Variants in GLT8D2 observed in about 807,000 individuals in gnomAD.
The protein encoded by GLT8D2 is glycosyltransferase 8 domain containing 2.
GLT8D2 carries 45 observed loss-of-function variants against 44.5 expected under a neutral mutation model. The observed-to-expected ratio is 1.01, with a 90% CI of 0.80 to 1.30. GLT8D2 has a LOEUF of 1.30. Among genes scored for constraint, GLT8D2 ranks in the 50% most tolerant of loss-of-function variants. GLT8D2 has a pLI of 0.00. For synonymous variants in GLT8D2, 156 were observed against 157.2 expected (o/e 0.99, Z 0.06); for missense variants, 400 against 430.4 (o/e 0.93, Z 0.62).
intron 1 of GLT8D2, among the ~76,000 whole-genome samples, chr12:104,022,080 A>AGAAAGAAAGAAAG (rs1555279636): frequency 7.5e-6 from 1 of 134,130 alleles, no homozygotes; most frequent in African/African-American, 2.9e-5. Context: ...GAAAGAAAAA[A>AGAAAGAAAGAAAG]AAAGAAAGAA....
chr12:104,014,265 G>A, intron 4 of GLT8D2: 1 of 700,400 alleles, frequency 1.4e-6, no homozygotes, highest in Non-Finnish European at 2.6e-6. Context: ...TGAGGCCGGA[G>A]GATTGCTTGA....
Position 104,003,115 on chromosome 12 carries a change from G to A in GLT8D2, c.284+20C>T, listed in dbSNP as rs1874465895. 6.2e-7 allele frequency: 1 copy of A among 1,603,082 alleles called. No homozygotes were observed. The highest frequency in any genetic ancestry group is 1.3e-5 in the African/African-American group (1 of 74,828). Reference sequence around the variant, plus strand: ...GGGGAAGGAAACAGAAAGTGCCAAAGTCTGTAAGACATAACTTACCGTATT... The same window carrying A: ...GGGGAAGGAAACAGAAAGTGCCAAAATCTGTAAGACATAACTTACCGTATT... On this transcript the variant is annotated intron_variant, in intron 5 of 10. Transcript: ENST00000360814.
intron 1 of GLT8D2, among the ~76,000 whole-genome samples, chr12:104,057,187 C>CA (rs1360951638): frequency 6.6e-6 from 1 of 152,082 alleles, no homozygotes; most frequent in East Asian, 1.9e-4. Flanking sequence ...AAAAAATTCA[C>CA]ATTAAAGGAA....
At chr12:104,016,874 GAAA>G (rs1566199940) in intron 3 of GLT8D2, among the ~76,000 whole-genome samples, 1 of 147,194 alleles carries the variant, frequency 6.8e-6, no homozygotes, top group African/African-American at 2.6e-5. Flanking sequence ...AAGAAAGAAA[GAAA>G]GAAAGAAAAA....
At chr12:104,032,501 G>T (rs1237556651) in intron 1 of GLT8D2, among the ~76,000 whole-genome samples, 1 of 107,152 alleles carries the variant, frequency 9.3e-6, no homozygotes, top group African/African-American at 4.4e-5. Context: ...ATAGGCAAAG[G>T]ACCAGAATAG....
chr12:104,016,774 A>AGAAG lies in GLT8D2; in HGVS notation c.20-1673_20-1670dup, dbSNP rs1160367285. 7.1e-3 allele frequency among the ~76,000 whole-genome samples: 413 copies of AGAAG among 58,286 alleles called. 12 individuals are homozygous for AGAAG. The highest frequency in any genetic ancestry group is 0.013 in the South Asian group (23 of 1,744). 38.2% of individuals were successfully genotyped at this position (58,286 alleles called of 152,430 possible). On this transcript the variant is annotated intron_variant, in intron 3 of 10. Transcript: ENST00000360814. ...AAGAAAGAAAGAAAGAAAGAAAGAA[A>AGAAG]GAAGGAAGGAAGGAAGGAAGGAAGG...
chr12:104,029,055 G>C (rs1878919900), intron 1 of GLT8D2, among the ~76,000 whole-genome samples: 1 of 152,206 alleles, frequency 6.6e-6, no homozygotes, highest in South Asian at 2.1e-4. Flanking sequence ...ACTTTGGGAG[G>C]CTGAGGCAGG....
In GLT8D2 at chr12:103,991,783, C is replaced by T. The variant is rs1243603536; in HGVS notation, c.880+1609G>A. 1.0e-4 allele frequency among the ~76,000 whole-genome samples: 14 copies of T among 135,424 alleles called. No homozygotes were observed. In the East Asian group the frequency reaches 1.9e-3, roughly 18 times the overall value. The allele number at this position is 135,424 out of a possible 152,430, so 88.8% of individuals were successfully genotyped here. Reference sequence around the variant, plus strand: ...ATGCAGAAGCAACCCACAGAATCATCGAGAGCATACAGGAACTCAGCCTCC... The same window carrying T: ...ATGCAGAAGCAACCCACAGAATCATTGAGAGCATACAGGAACTCAGCCTCC... On this transcript the variant is annotated intron_variant, in intron 10 of 10. Transcript: ENST00000360814.
chr12:104,014,142 C>T, intron 4 of GLT8D2: 2 of 565,436 alleles, frequency 3.5e-6, no homozygotes, highest in Non-Finnish European at 6.4e-6. Flanking sequence ...GGTAGGAGGA[C>T]AGCTTGAGCC....
In GLT8D2 at chr12:104,029,732, C is replaced by A. The variant is rs200479874; in HGVS notation, c.-163-8241G>T. On this transcript the variant is annotated intron_variant, in intron 1 of 10. Coordinates refer to ENST00000360814, the MANE Select transcript of GLT8D2 (RefSeq NM_001384711.1). ...GCAAACAGTTGGAACCCCACTTATA[C>A]AAGCCATTATGATCGTGTGATTCTA... 4.6e-5 allele frequency: 7 copies of A among 152,278 alleles called. No individual in the cohort carries two copies. In the East Asian group the frequency reaches 1.4e-3, roughly 29 times the overall value. 9.4% of individuals were successfully genotyped at this position (152,278 alleles called of 1,614,324 possible). A position where few individuals can be genotyped will look rare whatever the true frequency, so the allele number is the denominator to read the frequency against.
intron 4 of GLT8D2, among the ~76,000 whole-genome samples, chr12:104,003,931 T>C (rs755518430): frequency 4.6e-5 from 7 of 152,054 alleles, no homozygotes; most frequent in Non-Finnish European, 8.8e-5. Flanking sequence ...TGAAACTCTT[T>C]CTGCTTCTGA....
At position 103,997,528 on chromosome 12, in the gene GLT8D2, AAGTT is replaced by A. The variant is rs1873604526; in HGVS notation, c.406_409del (p.Asn136LeufsTer23). 6.2e-7 allele frequency: 1 copy of A among 1,612,830 alleles called. No homozygotes were observed. The highest frequency in any genetic ancestry group is 8.5e-7 in the Non-Finnish European group (1 of 1,178,814). The stretch of plus-strand genomic sequence containing the variant: ...AAGTAGAGGGAGATAAAATCGAACA[AAGTT>A]CAGCTGTTAAAACGACAAAAGAAAT... On this transcript the variant is annotated frameshift_variant, in exon 7 of 11. Coordinates refer to ENST00000360814, the MANE Select transcript of GLT8D2 (RefSeq NM_001384711.1). LOFTEE classifies it high-confidence loss of function.
chr12:104,007,237 T>TCTCTCTCTCTCTCTCC (rs1875163918), intron 4 of GLT8D2, among the ~76,000 whole-genome samples: 1 of 138,600 alleles, frequency 7.2e-6, no homozygotes, highest in Non-Finnish European at 1.6e-5. Context: ...CTTAAAGCTC[T>TCTCTCTCTCTCTCTCC]CTCTCTCTCT....
intron 8 of GLT8D2, among the ~76,000 whole-genome samples, chr12:103,994,865 GCTCCAACTTACATCCCAAAA>G (rs896526148): frequency 7.2e-5 from 11 of 152,092 alleles, no homozygotes; most frequent in Admixed American, 6.6e-4. Flanking sequence ...AGTAAAGGCA[GCTCCAACTTACATCCCAAAA>G]TTGATCCCAA....
rs147431379 is a variant in GLT8D2, at chr12:104,011,723, A to C, written c.112+3290T>G. Among the ~76,000 whole-genome samples, 1,087 of 152,208 alleles carry C rather than the reference A, an allele frequency of 7.1e-3. 16 individuals carry two copies. The highest frequency in any genetic ancestry group is 0.024 in the African/African-American group (1,012 of 41,514). ...AAAATAATACATAATTATTGAAAAA[A>C]TTTCAGCCCAAACAGAAGAGTATTT... is the stretch of plus-strand genomic sequence containing the variant. On this transcript the variant is annotated intron_variant, in intron 4 of 10. Coordinates refer to ENST00000360814, the MANE Select transcript of GLT8D2 (RefSeq NM_001384711.1).
rs185072046 is a variant in GLT8D2, at chr12:104,061,549, T to C, written c.-423+2400A>G. On this transcript the variant is annotated intron_variant, in intron 1 of 10. Transcript: ENST00000548660. Reference sequence around the variant, plus strand: ...TTTCAAATCCATAAAAACTTTATTATGGCAACATTTAAGAGCCTCCTATGT... The same window carrying C: ...TTTCAAATCCATAAAAACTTTATTACGGCAACATTTAAGAGCCTCCTATGT... Among the ~76,000 whole-genome samples the C allele has an allele frequency of 1.2e-3, 188 of 152,342 alleles. 1 individual carries two copies. Among genetic ancestry groups the C allele is most frequent in the South Asian group, 3.3e-3 (16 of 4,830 alleles).
At position 104,031,169 on chromosome 12, in the gene GLT8D2, C is replaced by A. The variant is rs376709326; in HGVS notation, c.-163-9678G>T. 3.2e-5 allele frequency: 51 copies of A among 1,606,736 alleles called. 1 individual carries two copies. In the African/African-American group the frequency reaches 6.8e-4, roughly 21 times the overall value. Reference sequence around the variant, plus strand: ...ACCACCTCCGATGGAGCCCGACCATCCTTTCTACAGCAACATCAGTAAGGA... The same window carrying A: ...ACCACCTCCGATGGAGCCCGACCATACTTTCTACAGCAACATCAGTAAGGA... On this transcript the variant is annotated intron_variant, in intron 1 of 10. Coordinates refer to ENST00000360814, the MANE Select transcript of GLT8D2 (RefSeq NM_001384711.1).
chr12:104,014,934 G>A, intron 4 of GLT8D2, 79 bp downstream of exon 4: 1 of 966,004 alleles, frequency 1.0e-6, no homozygotes, highest in Non-Finnish European at 1.6e-6. Context: ...CCTGAACCCA[G>A]CTATTGAAAG....
intron 10 of GLT8D2, 46 bp downstream of exon 10, chr12:103,993,346 A>G: frequency 7.0e-7 from 1 of 1,422,032 alleles, no homozygotes. Flanking sequence ...TACAAAAATA[A>G]AATGGACATT....
Sources: allele counts gnomAD v4.1 joint callset (sites outside exome capture counted in the v4.1 genomes callset), GRCh38; gene constraint gnomAD v4.1.1; transcripts MANE v1.5; gene names NCBI Gene and HGNC (gene_info 2026-07-23, HGNC 2026-07-21).